The following DYSF variants were observed in gnomAD, a reference collection of about 807,000 sequenced individuals.
DYSF encodes the protein dysferlin.
A neutral mutation model predicts 274.9 loss-of-function variants in DYSF; 212 were observed. The observed-to-expected ratio is 0.77, with a 90% CI of 0.69 to 0.86. The LOEUF is 0.86. Ranked by LOEUF, DYSF falls within the 40% of genes least tolerant of loss-of-function variation. The pLI is 0.00. For synonymous variants in DYSF, 1,091 were observed against 1,078.7 expected (o/e 1.01, Z -0.22); for missense variants, 2,666 against 2,783.2 (o/e 0.96, Z 0.95).
intron 41 of DYSF, among the ~76,000 whole-genome samples, chr2:71,622,495 A>G (rs183792163): frequency 6.6e-6 from 1 of 152,184 alleles, no homozygotes; most frequent in Non-Finnish European, 1.5e-5. Context: ...GAGCAGACTT[A>G]TTTAGTCATT....
intron 29 of DYSF, among the ~76,000 whole-genome samples, chr2:71,571,853 C>G (rs1208914608): frequency 7.2e-5 from 10 of 139,594 alleles, no homozygotes; most frequent in African/African-American, 2.7e-4. Context: ...ACAGATCACA[C>G]CCACCACACA....
At chr2:71,669,006 C>T (rs1458276124) in intron 49 of DYSF, 106 bp from the exon 50 acceptor site, 1 of 1,277,312 alleles carries the variant, frequency 7.8e-7, no homozygotes, top group Non-Finnish European at 1.1e-6. Flanking sequence ...GCCAGGCAGG[C>T]ATCGAGTCCT....
chr2:71,460,377 C>G (rs537800903), intron 1 of DYSF, among the ~76,000 whole-genome samples: 20 of 152,302 alleles, frequency 1.3e-4, no homozygotes, highest in African/African-American at 4.3e-4. Flanking sequence ...CAATTAGTCT[C>G]CTGGCTACAT....
At chr2:71,462,262 C>G (rs746301040), upstream of DYSF, among the ~76,000 whole-genome samples, 6 of 152,150 alleles carry the variant, frequency 3.9e-5, no homozygotes, top group Non-Finnish European at 5.9e-5. Flanking sequence ...GCAGGCAGCT[C>G]CAGGTGCTGG....
intron 36 of DYSF, 38 bp downstream of exon 36, chr2:71,602,843 G>A (rs543457869): frequency 6.2e-7 from 1 of 1,610,324 alleles, no homozygotes; most frequent in Non-Finnish European, 8.5e-7. Flanking sequence ...GTGGGCCGAG[G>A]TAGAGGGAAG....
intron 55 of DYSF, among the ~76,000 whole-genome samples, chr2:71,684,087 C>T (rs371411621): frequency 9.2e-5 from 14 of 152,134 alleles, no homozygotes; most frequent in African/African-American, 3.1e-4. Context: ...TCACCTGAGG[C>T]GCAATGGAGA....
chr2:71,510,201 G>C (rs796091491), intron 4 of DYSF, among the ~76,000 whole-genome samples: 2 of 152,200 alleles, frequency 1.3e-5, no homozygotes, highest in African/African-American at 4.8e-5. Context: ...TCTCCAAAGA[G>C]CCCAACTTAC....
chr2:71,639,423 C>T (rs1043465281), intron 41 of DYSF, among the ~76,000 whole-genome samples: 8 of 152,086 alleles, frequency 5.3e-5, no homozygotes, highest in Admixed American at 4.6e-4. Flanking sequence ...AGGAATAAAA[C>T]ATGTACAATT....
At chr2:71,493,711 G>A (rs149223127) in intron 3 of DYSF, among the ~76,000 whole-genome samples, 4,179 of 152,058 alleles carry the variant, frequency 0.027, 110 homozygotes, top group Non-Finnish European at 0.034. Context: ...AATTAGCCAG[G>A]CATGATGGCA....
At chr2:71,613,436 C>G (rs780381808) in intron 40 of DYSF, 26 bp downstream of exon 40, 1 of 1,589,524 alleles carries the variant, frequency 6.3e-7, no homozygotes, top group Non-Finnish European at 8.6e-7. Flanking sequence ...TCCAGGGAGG[C>G]CTGGGTCACC....
At chr2:71,534,925 C>A in intron 14 of DYSF, 96 bp from the exon 15 acceptor site, 1 of 1,337,034 alleles carries the variant, frequency 7.5e-7, no homozygotes, top group Non-Finnish European at 1.1e-6. Flanking sequence ...GGGCAGCCAG[C>A]ATGGCAGAGA....
chr2:71,682,564 C>G lies in DYSF; in HGVS notation c.6208C>G (p.Pro2070Ala), dbSNP rs778611782. 2.7e-5 allele frequency: 43 copies of G among 1,613,980 alleles called. No homozygotes were observed. The highest frequency in any genetic ancestry group is 3.6e-5 in the Non-Finnish European group (42 of 1,180,022). The change falls in exon 55 of 56, where the codon CCA (proline) becomes GCA (alanine). Residue 2070 changes from proline (P) to alanine (A), a missense_variant. Coordinates refer to ENST00000410020, the MANE Select transcript of DYSF (RefSeq NM_001130987.2). ...PDTSFLWFTS[P>A]YKTMKFILWR... ...CACCTCCTTCCTGTGGTTTACCTCCCCATACAAGACCATGAAGTTCATCCT... is the reference window on the plus strand; with the variant it reads ...CACCTCCTTCCTGTGGTTTACCTCCGCATACAAGACCATGAAGTTCATCCT...
At chr2:71,554,820 T>A (rs1331645465) in intron 21 of DYSF, among the ~76,000 whole-genome samples, 1 of 152,136 alleles carries the variant, frequency 6.6e-6, no homozygotes, top group African/African-American at 2.4e-5. Flanking sequence ...GTCCTGGCAC[T>A]TGGCCAGAAT....
At chr2:71,456,967 G>C (rs976520211) in intron 1 of DYSF, among the ~76,000 whole-genome samples, 3 of 152,182 alleles carry the variant, frequency 2.0e-5, no homozygotes, top group Non-Finnish European at 4.4e-5. Flanking sequence ...GGAGTGCAGG[G>C]CTGCAGGAGC....
At chr2:71,590,911 C>T (rs899593461) in intron 32 of DYSF, among the ~76,000 whole-genome samples, 6 of 152,180 alleles carry the variant, frequency 3.9e-5, no homozygotes, top group Non-Finnish European at 7.3e-5. Flanking sequence ...CTGGCCTTGC[C>T]CCTTTGTATC....
chr2:71,591,230 A>G (rs2093255103), intron 32 of DYSF, among the ~76,000 whole-genome samples: 2 of 152,224 alleles, frequency 1.3e-5, no homozygotes, highest in South Asian at 4.1e-4. Context: ...ACTCCTAGTT[A>G]TCCTTCAAGA....
At chr2:71,606,836 A>G (rs538772482) in intron 36 of DYSF, among the ~76,000 whole-genome samples, 1 of 152,328 alleles carries the variant, frequency 6.6e-6, no homozygotes, top group South Asian at 2.1e-4. Context: ...AGTAATGAGC[A>G]GGCCTGGGGA....
At chr2:71,683,194 T>C (rs2095316385) in intron 55 of DYSF, among the ~76,000 whole-genome samples, 1 of 152,078 alleles carries the variant, frequency 6.6e-6, no homozygotes, top group South Asian at 2.1e-4. Context: ...CTGCAGCAGG[T>C]GGGCATAGGG....
At chr2:71,475,049 G>T (rs2152666647) in intron 1 of DYSF, among the ~76,000 whole-genome samples, 1 of 152,324 alleles carries the variant, frequency 6.6e-6, no homozygotes, top group Middle Eastern at 3.4e-3. Flanking sequence ...TAGAGGTTAT[G>T]AGTCCTCCCT....
Sources: allele counts gnomAD v4.1 joint callset (sites outside exome capture counted in the v4.1 genomes callset), GRCh38; gene constraint gnomAD v4.1.1; transcripts MANE v1.5; gene names NCBI Gene and HGNC (gene_info 2026-07-23, HGNC 2026-07-21).